The following RGS7 variants were observed in gnomAD, a reference collection of about 807,000 sequenced individuals.
RGS7 encodes regulator of G-protein signaling 7.
Under a neutral mutation model 81.1 loss-of-function variants are expected in RGS7, and 27 were observed. The ratio of observed to expected loss-of-function variants is 0.33; its 90% CI spans 0.25 to 0.46. The LOEUF (loss-of-function observed/expected upper bound fraction) is 0.46, where lower values mean the gene tolerates loss of function less well. RGS7 is among the 20% of genes least tolerant of loss of function. RGS7 has a pLI of 1.00. For missense variants in RGS7, 396 were observed against 607.4 expected, an observed-to-expected ratio of 0.65 and a Z score of 3.66; for synonymous variants, 208 against 207.7, an observed-to-expected ratio of 1.00 and a Z score of -0.01.
chr1:241,156,169 G>GATACATAC (rs1345706149), intron 2 of RGS7, among the ~76,000 whole-genome samples: 1 of 142,752 alleles, frequency 7.0e-6, no homozygotes, highest in African/African-American at 2.5e-5. Context: ...TAGATAGATA[G>GATACATAC]ATACATATAC....
chr1:240,808,816 T>C (rs74151839), intron 14 of RGS7, among the ~76,000 whole-genome samples: 5,946 of 151,962 alleles, frequency 0.039, 126 homozygotes, highest in East Asian at 0.1. Flanking sequence ...TCAAGGCTGC[T>C]ATGAGCTATG....
intron 6 of RGS7, among the ~76,000 whole-genome samples, chr1:240,896,699 T>G (rs1669148543): frequency 6.7e-6 from 1 of 149,094 alleles, no homozygotes; most frequent in Admixed American, 6.6e-5. Flanking sequence ...TGTAGTATAG[T>G]TTGAAGTCAG....
intron 2 of RGS7, among the ~76,000 whole-genome samples, chr1:241,286,581 T>C (rs1188786353): frequency 2.6e-5 from 4 of 152,164 alleles, no homozygotes. Context: ...AAAGAGATTA[T>C]ATCAAACCTA....
chr1:240,855,629 T>C (rs934614129), intron 9 of RGS7, among the ~76,000 whole-genome samples: 7 of 151,982 alleles, frequency 4.6e-5, no homozygotes, highest in Admixed American at 1.3e-4. Flanking sequence ...CTTGTGGATA[T>C]ATCTTATTTA....
intron 2 of RGS7, among the ~76,000 whole-genome samples, chr1:241,134,555 C>G (rs1418829113): frequency 6.6e-6 from 1 of 152,146 alleles, no homozygotes; most frequent in Non-Finnish European, 1.5e-5. Context: ...CTGGAGAAAT[C>G]TGAGAATAGA....
intron 3 of RGS7, among the ~76,000 whole-genome samples, chr1:240,984,227 CAGA>C (rs1292964694): frequency 6.7e-6 from 1 of 149,552 alleles, no homozygotes; most frequent in African/African-American, 2.6e-5. Flanking sequence ...TATTTTTGAG[CAGA>C]AGAATGACAT....
At chr1:240,953,513 A>T (rs116690230) in intron 4 of RGS7, among the ~76,000 whole-genome samples, 1,917 of 152,090 alleles carry the variant, frequency 0.013, 26 homozygotes, top group African/African-American at 0.043. Context: ...AAAATGTCTA[A>T]AGAGAAACTG....
intron 2 of RGS7, among the ~76,000 whole-genome samples, chr1:241,217,633 T>C (rs954050332): frequency 1.4e-4 from 22 of 152,146 alleles, no homozygotes; most frequent in Non-Finnish European, 4.4e-5. Flanking sequence ...TAGACTTTCC[T>C]TTTACCTTTT....
chr1:241,106,528 A>G (rs955575471), intron 2 of RGS7, among the ~76,000 whole-genome samples: 13 of 151,914 alleles, frequency 8.6e-5, no homozygotes, highest in African/African-American at 2.9e-4. Context: ...AGCCTGGCCA[A>G]CATGGCGAAA....
rs1187618004 is a variant in RGS7, at chr1:241,144,883, A to G, written c.79-46121T>C. On this transcript the variant is annotated intron_variant, in intron 2 of 18. Coordinates refer to ENST00000440928, the MANE Select transcript of RGS7 (RefSeq NM_001364886.1). This position sits in a 1 kb window ranked among gnomAD's most constrained non-coding sequence, Gnocchi z 4.7. ...CTTTCTTAAAATCTTAACGTCCCAAAGGAACAACTGATGTGAGTCAGTATG... is the reference window on the plus strand; with the variant it reads ...CTTTCTTAAAATCTTAACGTCCCAAGGGAACAACTGATGTGAGTCAGTATG... 6.7e-6 allele frequency among the ~76,000 whole-genome samples: 1 copy of G among 149,666 alleles called. No homozygotes were observed. The highest frequency in any genetic ancestry group is 6.6e-5 in the Admixed American group (1 of 15,152).
chr1:240,877,772 C>T (rs777227330), intron 6 of RGS7, among the ~76,000 whole-genome samples: 1 of 152,046 alleles, frequency 6.6e-6, no homozygotes, highest in Admixed American at 6.6e-5. Flanking sequence ...TTTGAAATTG[C>T]CAGTTTCCTG....
chr1:241,195,344 C>A (rs1004862005), intron 2 of RGS7, among the ~76,000 whole-genome samples: 1 of 151,944 alleles, frequency 6.6e-6, no homozygotes, highest in South Asian at 2.1e-4. Flanking sequence ...GGCATGGTGG[C>A]GGGCACCTGT....
intron 2 of RGS7, among the ~76,000 whole-genome samples, chr1:241,167,695 T>C (rs1019310194): frequency 4.6e-5 from 7 of 152,218 alleles, no homozygotes; most frequent in African/African-American, 1.7e-4. Context: ...ATTTTTTGCA[T>C]TTTTAGTAGA....
chr1:240,992,344 T>C (rs662401), intron 3 of RGS7, among the ~76,000 whole-genome samples: 61,781 of 151,712 alleles, frequency 0.41, 14,559 homozygotes, highest in East Asian at 0.62. Context: ...CTACTATAAA[T>C]ATGAAAAAAA....
At chr1:240,861,545 C>T (rs1347892059) in intron 9 of RGS7, among the ~76,000 whole-genome samples, 1 of 152,064 alleles carries the variant, frequency 6.6e-6, no homozygotes, top group East Asian at 1.9e-4. Context: ...CTTTAGATAG[C>T]TTTGAGTATT....
intron 4 of RGS7, among the ~76,000 whole-genome samples, chr1:240,937,504 C>T (rs1028647635): frequency 4.6e-5 from 7 of 152,148 alleles, no homozygotes; most frequent in Non-Finnish European, 1.0e-4. Context: ...CCAATGACAA[C>T]AAGTCCATGA....
intron 2 of RGS7, among the ~76,000 whole-genome samples, chr1:241,339,391 A>G (rs1056697381): frequency 2.0e-5 from 3 of 152,222 alleles, no homozygotes; most frequent in Non-Finnish European, 4.4e-5. Flanking sequence ...AACCATATGC[A>G]TAATCAAAGT....
intron 2 of RGS7, among the ~76,000 whole-genome samples, chr1:241,192,107 C>A (rs1249454313): frequency 1.3e-5 from 2 of 151,536 alleles, no homozygotes; most frequent in East Asian, 1.9e-4. Context: ...TATCTAAAAG[C>A]TCCATATCTT....
intron 18 of RGS7, among the ~76,000 whole-genome samples, chr1:240,788,313 T>C (rs753276875): frequency 1.3e-5 from 2 of 152,176 alleles, no homozygotes; most frequent in African/African-American, 2.4e-5. Flanking sequence ...CAAACAAAAA[T>C]GGACTCTTAT....
Sources: gnomAD v4.1 joint callset for allele counts (sites outside exome capture counted in the v4.1 genomes callset) on GRCh38, gnomAD v4.1.1 for gene constraint, Gnocchi (gnomAD v3.1) non-coding constraint, MANE v1.5 for transcripts, NCBI Gene and HGNC (gene_info 2026-07-23, HGNC 2026-07-21) for gene names.